The following CRYZL1 variants were observed in gnomAD, a reference collection of about 807,000 sequenced individuals.
The protein encoded by CRYZL1 is crystallin zeta like 1, also known as ferry endosomal RAB5 effector complex subunit 4.
A neutral mutation model predicts 50.6 loss-of-function variants in CRYZL1; 34 were observed. The observed-to-expected ratio is 0.67, with a 90% CI of 0.51 to 0.89. The LOEUF (loss-of-function observed/expected upper bound fraction) is 0.89. CRYZL1 is among the 40% of genes least tolerant of loss of function. The probability of loss-of-function intolerance (pLI) is 0.00; values close to 1 mark genes in which losing one functional copy is unlikely to be tolerated. For missense variants in CRYZL1, 354 were observed against 402.3 expected (o/e 0.88, Z 1.03); for synonymous variants, 125 against 134.3 (o/e 0.93, Z 0.48).
intron 1 of CRYZL1, among the ~76,000 whole-genome samples, chr21:33,632,544 A>C (rs965828026): frequency 1.3e-5 from 2 of 151,470 alleles, no homozygotes; most frequent in South Asian, 4.2e-4. Context: ...TGCCCGGCTA[A>C]ATTTTGTATT....
At chr21:33,627,545 A>G (rs768235674) in intron 2 of CRYZL1, among the ~76,000 whole-genome samples, 1 of 152,186 alleles carries the variant, frequency 6.6e-6, no homozygotes, top group African/African-American at 2.4e-5. Context: ...TTGGCTTGCC[A>G]CAAATCTTTC....
intron 5 of CRYZL1, among the ~76,000 whole-genome samples, chr21:33,615,037 G>A (rs1164303526): frequency 6.6e-6 from 1 of 151,996 alleles, no homozygotes; most frequent in Non-Finnish European, 1.5e-5. Flanking sequence ...CTGAGTCAAA[G>A]GCAATACTAT....
intron 11 of CRYZL1, chr21:33,591,492 A>C: frequency 2.0e-5 from 9 of 444,320 alleles, no homozygotes; most frequent in South Asian, 3.9e-5. Flanking sequence ...CTATTATCTC[A>C]ATGGATGCGA....
At chr21:33,613,682 A>G (rs927906444) in intron 5 of CRYZL1, 76 bp from the exon 6 acceptor site, 23 of 1,069,180 alleles carry the variant, frequency 2.2e-5, no homozygotes, top group Non-Finnish European at 3.0e-5. Flanking sequence ...ATTATTACAA[A>G]TTTTGTTCAG....
At position 33,624,716 on chromosome 21, in the gene CRYZL1, A is replaced by C; in HGVS notation, c.111T>G (p.Val37=). The C allele has an allele frequency of 6.3e-7, 1 of 1,597,736 alleles. No homozygotes were observed. Among genetic ancestry groups the C allele is most frequent in the South Asian group, 1.1e-5 (1 of 87,206 alleles). Residue 37 remains valine (V), a synonymous_variant, in exon 3 of 13, where the codon GTT becomes GTG. Coordinates refer to ENST00000381554, the MANE Select transcript of CRYZL1 (RefSeq NM_145858.3). ...VTEDNFVKLQ[V]KACALSQINT... is the part of the protein sequence containing the mutation. ...TTATCTGGCTCAGAGCACAAGCTTT[A>C]ACTTGAAGTTTCACAAAGTTATCCT... is the stretch of plus-strand genomic sequence containing the variant.
At chr21:33,606,199 T>C (rs546810143) in intron 6 of CRYZL1, among the ~76,000 whole-genome samples, 1 of 152,350 alleles carries the variant, frequency 6.6e-6, no homozygotes, top group South Asian at 2.1e-4. Context: ...GGTGAATATA[T>C]GACTTTAAAG....
chr21:33,591,022 T>C lies in CRYZL1; in HGVS notation c.950+140A>G, dbSNP rs992941414. ...TTACTTTCAATGGCAAAAACCACAA[T>C]TATGTTTGCACCAACCTAATAATAA... On this transcript the variant is annotated intron_variant, in intron 12 of 12. Coordinates refer to ENST00000381554, the MANE Select transcript of CRYZL1 (RefSeq NM_145858.3). 26 of 684,232 alleles carry C rather than the reference T, an allele frequency of 3.8e-5. No individual in the cohort carries two copies. In the Admixed American group the frequency reaches 5.8e-4, roughly 15 times the overall value. 42.4% of individuals were successfully genotyped at this position (684,232 alleles called of 1,614,324 possible). A position where few individuals can be genotyped will look rare whatever the true frequency, so the allele number is the denominator to read the frequency against.
chr21:33,617,680 G>A (rs189083211), intron 4 of CRYZL1, among the ~76,000 whole-genome samples: 52 of 152,204 alleles, frequency 3.4e-4, no homozygotes, highest in African/African-American at 1.2e-3. Context: ...GTGATCGGGG[G>A]CTGCATGCAC....
intron 6 of CRYZL1, 82 bp from the exon 7 acceptor site, chr21:33,603,619 G>A (rs905226155): frequency 4.0e-6 from 6 of 1,505,696 alleles, no homozygotes; most frequent in African/African-American, 2.8e-5. Flanking sequence ...TCCATCTCTA[G>A]TACTACTATG....
At chr21:33,639,092 T>G (rs1236245884) in intron 1 of CRYZL1, among the ~76,000 whole-genome samples, 2 of 152,256 alleles carry the variant, frequency 1.3e-5, no homozygotes, top group African/African-American at 4.8e-5. Flanking sequence ...TTGCCTACAG[T>G]GGCTCTCAAC....
At chr21:33,611,189 G>C (rs1360501531) in intron 6 of CRYZL1, among the ~76,000 whole-genome samples, 1 of 152,214 alleles carries the variant, frequency 6.6e-6, no homozygotes, top group East Asian at 1.9e-4. Flanking sequence ...TCCTGTAAAG[G>C]AGCCCGTGGC....
At chr21:33,597,167 G>A (rs537494160) in intron 10 of CRYZL1, 113 bp downstream of exon 10, 1 of 1,091,834 alleles carries the variant, frequency 9.2e-7, no homozygotes, top group Admixed American at 2.0e-5. Flanking sequence ...ACCATGCCTG[G>A]CCCAGATTTT....
intron 1 of CRYZL1, among the ~76,000 whole-genome samples, chr21:33,638,684 CTGT>C (rs1469067070): frequency 6.6e-6 from 1 of 152,136 alleles, no homozygotes; most frequent in Non-Finnish European, 1.5e-5. Context: ...TCTTTTGTGC[CTGT>C]TATTATATAA....
chr21:33,626,600 G>C (rs548441043), intron 2 of CRYZL1, among the ~76,000 whole-genome samples: 4 of 151,642 alleles, frequency 2.6e-5, no homozygotes, highest in African/African-American at 9.7e-5. Context: ...GGGAGGCTGA[G>C]ACAGGAGAAC....
chr21:33,595,653 T>C, intron 11 of CRYZL1, 78 bp downstream of exon 11: 4 of 1,582,076 alleles, frequency 2.5e-6, no homozygotes, highest in Non-Finnish European at 3.4e-6. Context: ...CTATTATTAT[T>C]TCCTATTATC....
rs543654350 is a variant in CRYZL1, at chr21:33,637,338, G to T, written c.-7+4343C>A. Reference sequence around the variant, plus strand: ...CGGGTGCCTGTAGTCCCAGCTACTTGGGAGGCTGAGAAGGGAGAATGGCAT... The same window carrying T: ...CGGGTGCCTGTAGTCCCAGCTACTTTGGAGGCTGAGAAGGGAGAATGGCAT... On this transcript the variant is annotated intron_variant, in intron 1 of 12. Coordinates refer to ENST00000381554, the MANE Select transcript of CRYZL1 (RefSeq NM_145858.3). Among the ~76,000 whole-genome samples the T allele has an allele frequency of 8.6e-5, 13 of 151,744 alleles. No homozygotes were observed. The South Asian group carries it at 2.1e-3, about 24-fold the overall frequency.
Position 33,624,303 on chromosome 21 carries a change from T to C in CRYZL1, c.144+380A>G, listed in dbSNP as rs1180051320. ...GGCTCATGCCTGGAATCCCAGCACTTTGGGAGACCGAGGCAGGTGGATCCC... is the reference window on the plus strand; with the variant it reads ...GGCTCATGCCTGGAATCCCAGCACTCTGGGAGACCGAGGCAGGTGGATCCC... On this transcript the variant is annotated intron_variant, in intron 3 of 12. Coordinates refer to ENST00000381554, the MANE Select transcript of CRYZL1 (RefSeq NM_145858.3). Among the ~76,000 whole-genome samples, 3 of 152,202 alleles carry C rather than the reference T, an allele frequency of 2.0e-5. No individual in the cohort carries two copies. The East Asian group carries it at 5.8e-4, about 29-fold the overall frequency.
At position 33,615,188 on chromosome 21, in the gene CRYZL1, C is replaced by CT. The variant is rs1435547327; in HGVS notation, c.262+1517dup. Among the ~76,000 whole-genome samples the CT allele has an allele frequency of 3.6e-5, 5 of 137,776 alleles. No homozygotes were observed. In the East Asian group the frequency reaches 6.3e-4, roughly 17 times the overall value. The allele number at this position is 137,776 out of a possible 152,430, so 90.4% of individuals were successfully genotyped here. A position where few individuals can be genotyped will look rare whatever the true frequency, so the allele number is the denominator to read the frequency against. ...TTTTTTTTTTGGACAAGGTCTCCCT[C>CT]TGTCACCAGGCTGGAGTACAGTGGT... On this transcript the variant is annotated intron_variant, in intron 5 of 12. Coordinates refer to ENST00000381554, the MANE Select transcript of CRYZL1 (RefSeq NM_145858.3).
intron 3 of CRYZL1, among the ~76,000 whole-genome samples, chr21:33,624,450 G>C (rs894411963): frequency 1.3e-5 from 2 of 152,200 alleles, no homozygotes; most frequent in Non-Finnish European, 2.9e-5. Context: ...TCAGGAGTCT[G>C]AGACAGGAGA....
Sources: allele counts gnomAD v4.1 joint callset (sites outside exome capture counted in the v4.1 genomes callset), GRCh38; gene constraint gnomAD v4.1.1; transcripts MANE v1.5; gene names NCBI Gene and HGNC (gene_info 2026-07-23, HGNC 2026-07-21).